Variants in PNPLA4 observed in about 807,000 individuals in gnomAD.
PNPLA4 encodes the protein patatin-like phospholipase domain-containing protein 4.
A neutral mutation model predicts 18.3 loss-of-function variants in PNPLA4; 15 were observed. The observed-to-expected ratio is 0.82, with a 90% confidence interval of 0.55 to 1.26. The LOEUF (loss-of-function observed/expected upper bound fraction) is 1.26, where lower values mean the gene tolerates loss of function less well. PNPLA4 is among the 50% of genes most tolerant of loss of function. PNPLA4 has a pLI of 0.00. For missense variants in PNPLA4, 229 were observed against 196.8 expected, an observed-to-expected ratio of 1.16 and a Z score of -0.98; for synonymous variants, 88 against 85.6, an observed-to-expected ratio of 1.03 and a Z score of -0.16.
At chrX:7,921,087 C>G (rs1246352488) in intron 4 of PNPLA4, among the ~76,000 whole-genome samples, 1 of 111,232 alleles carries the variant, frequency 9.0e-6, no homozygotes, top group Non-Finnish European at 1.9e-5. Flanking sequence ...CTGGCCAACA[C>G]AGTGAAACCC....
chrX:7,927,526 C>A (rs1045308510), upstream of PNPLA4: 1 of 113,512 alleles, frequency 8.8e-6, no homozygotes, highest in Non-Finnish European at 1.9e-5. Context: ...TCAACCTGGC[C>A]GCTAGACCGG....
intron 4 of PNPLA4, among the ~76,000 whole-genome samples, chrX:7,914,759 C>T (rs1241300848): frequency 3.6e-5 from 4 of 110,915 alleles, no homozygotes; most frequent in East Asian, 2.8e-4. Flanking sequence ...TCTTTTCCCC[C>T]GTGTCAAAGT....
At chrX:7,924,976 TA>T (rs1440814033) in intron 2 of PNPLA4, among the ~76,000 whole-genome samples, 1 of 111,865 alleles carries the variant, frequency 8.9e-6, no homozygotes, top group African/African-American at 3.3e-5. Context: ...TCTGCTAGTT[TA>T]GGGGGAATTT....
intron 5 of PNPLA4, among the ~76,000 whole-genome samples, chrX:7,907,532 A>G (rs1923744584): frequency 8.9e-6 from 1 of 112,268 alleles, no homozygotes; most frequent in Non-Finnish European, 1.9e-5. Flanking sequence ...CTACCACTGG[A>G]AAGAGTTCAT....
rs190067117 is a variant in PNPLA4 at position 7,915,585 on chromosome X, G to C, written c.412-3492C>G. 8.2e-4 allele frequency among the ~76,000 whole-genome samples: 92 copies of C among 111,820 alleles called. 1 individual carries two copies. The highest frequency in any genetic ancestry group is 1.6e-3 in the Non-Finnish European group (83 of 53,163). ...TAAACACACAATGATAAAAATGAGA[G>C]CTAGTGTCTTCCTGTAGCAACTGTA... On this transcript the variant is annotated intron_variant, in intron 4 of 6. Coordinates refer to ENST00000381042, the MANE Select transcript of PNPLA4 (RefSeq NM_004650.3).
chrX:7,926,889 C>T (rs1016769049), intron 1 of PNPLA4, among the ~76,000 whole-genome samples: 2 of 112,443 alleles, frequency 1.8e-5, no homozygotes, highest in African/African-American at 3.2e-5. Flanking sequence ...ACAAGGCTGT[C>T]CATTCTGAAG....
At position 7,927,412 on chromosome X, in the gene PNPLA4, G is replaced by C. The variant is rs1364175314; in HGVS notation, c.-140C>G. The C allele has an allele frequency of 1.3e-4, 15 of 113,571 alleles. No individual in the cohort carries two copies. Among genetic ancestry groups the C allele is most frequent in the Non-Finnish European group, 5.6e-5 (3 of 53,413 alleles). The allele number at this position is 113,571 out of a possible 1,213,427, so 9.4% of individuals were successfully genotyped here. A position where few individuals can be genotyped will look rare whatever the true frequency, so the allele number is the denominator to read the frequency against. On this transcript the variant is annotated 5_prime_UTR_variant, in exon 1 of 7. Transcript: ENST00000381042. ...GCTCTCCGCGAGCCGGCCCAGGAAAGTCCTGCGGCAGGGGTTGGTACCGCC... is the reference window on the plus strand; with the variant it reads ...GCTCTCCGCGAGCCGGCCCAGGAAACTCCTGCGGCAGGGGTTGGTACCGCC...
chrX:7,922,010 C>G lies in PNPLA4; in HGVS notation c.269G>C (p.Arg90Pro). 1 of 1,201,803 alleles carries G rather than the reference C, an allele frequency of 8.3e-7. No homozygotes were observed. Among genetic ancestry groups the G allele is most frequent in the Non-Finnish European group, 1.1e-6 (1 of 886,851 alleles). ...CAAAATGTACTCTGTATACCTTAGT[C>G]GGGCCATGAAGTCATAACCGGGCGT... ...AVTPGYDFMA[R>P]LRSGMESILP... Residue 90 changes from arginine to proline, a missense_variant, in exon 3 of 7, where the codon CGA (arginine) becomes CCA (proline). Physicochemically the swap from Arg to Pro is moderately radical, Grantham distance 103. Coordinates refer to ENST00000381042, the MANE Select transcript of PNPLA4 (RefSeq NM_004650.3).
chrX:7,902,825 C>A (rs1366545730), intron 5 of PNPLA4, among the ~76,000 whole-genome samples: 2 of 111,831 alleles, frequency 1.8e-5, no homozygotes, highest in African/African-American at 6.5e-5. Context: ...CAGCCCCTAG[C>A]TCTACAGAAG....
chrX:7,921,681 A>G, intron 4 of PNPLA4, 32 bp downstream of exon 4: 1 of 1,177,448 alleles, frequency 8.5e-7, no homozygotes, highest in Non-Finnish European at 1.2e-6. Flanking sequence ...GCACTTGCTG[A>G]TTTCTTCAAA....
intron 4 of PNPLA4, among the ~76,000 whole-genome samples, chrX:7,921,193 C>G (rs771968948): frequency 1.2e-4 from 13 of 111,560 alleles, no homozygotes; most frequent in Admixed American, 2.9e-4. Context: ...TTGCTTGAAT[C>G]TAGGAGGCAG....
chrX:7,907,759 T>C (rs1440527239), intron 5 of PNPLA4, among the ~76,000 whole-genome samples: 1 of 109,818 alleles, frequency 9.1e-6, no homozygotes, highest in East Asian at 2.8e-4. Context: ...TTCACTCTGT[T>C]GCCCAGGCTG....
intron 4 of PNPLA4, among the ~76,000 whole-genome samples, chrX:7,920,046 C>T (rs1164376415): frequency 9.0e-6 from 1 of 111,491 alleles, no homozygotes; most frequent in Non-Finnish European, 1.9e-5. Flanking sequence ...TTGGAGCTTA[C>T]ATTCTGGTGA....
rs1269153587 is a variant in PNPLA4, at chrX:7,900,815, C to G, written c.633G>C (p.Leu211Phe). 3 of 1,194,794 alleles carry G rather than the reference C, an allele frequency of 2.5e-6. No homozygotes were observed. Among genetic ancestry groups the G allele is most frequent in the Non-Finnish European group, 3.4e-6 (3 of 887,604 alleles). ...TGAGTCTCACCAGGTTTGCCAGGGA[C>G]AACTAGAATAAAAAGACCAAAATTT... is the stretch of plus-strand genomic sequence containing the variant. ...YVNIAKQDIM[L>F]SLANLVRLNQ... The change falls in exon 7 of 7, where the codon TTG (leucine) becomes TTC (phenylalanine). Residue 211 changes from leucine to phenylalanine, a missense_variant and splice_region_variant. Transcript: ENST00000381042.
At chrX:7,907,326 C>T (rs1923737881) in intron 5 of PNPLA4, among the ~76,000 whole-genome samples, 1 of 112,478 alleles carries the variant, frequency 8.9e-6, no homozygotes, top group South Asian at 3.6e-4. Context: ...GCCAACCCTA[C>T]AGCTTTTCTT....
intron 2 of PNPLA4, among the ~76,000 whole-genome samples, chrX:7,924,826 A>G (rs1258418267): frequency 1.8e-5 from 2 of 112,307 alleles, no homozygotes; most frequent in African/African-American, 3.2e-5. Flanking sequence ...CCAAGTCTAC[A>G]TAACTCCAAA....
chrX:7,920,929 A>C (rs1924194958), intron 4 of PNPLA4, among the ~76,000 whole-genome samples: 1 of 112,761 alleles, frequency 8.9e-6, no homozygotes, highest in Admixed American at 9.4e-5. Context: ...TCTTGGGTAC[A>C]TAGGTACGTA....
chrX:7,905,671 T>C, intron 5 of PNPLA4, among the ~76,000 whole-genome samples: 1 of 112,712 alleles, frequency 8.9e-6, no homozygotes, highest in African/African-American at 3.2e-5. Context: ...ATGTATAATT[T>C]AATATGCGAA....
chrX:7,927,695 T>G (rs1482438661), upstream of PNPLA4: 5 of 112,823 alleles, frequency 4.4e-5, no homozygotes, highest in East Asian at 1.1e-3. Flanking sequence ...CCTTTAATAA[T>G]CCTCATTTTC....
Sources: gnomAD v4.1 joint callset for allele counts (sites outside exome capture counted in the v4.1 genomes callset) on GRCh38, gnomAD v4.1.1 for gene constraint, MANE v1.5 for transcripts, NCBI Gene and HGNC (gene_info 2026-07-23, HGNC 2026-07-21) for gene names.